CACNA2D3: variants seen among roughly 807,000 people sequenced by gnomAD.
CACNA2D3 encodes the protein calcium voltage-gated channel auxiliary subunit alpha2delta 3.
A neutral mutation model predicts 160.6 loss-of-function variants in CACNA2D3; 60 were observed. That is an observed-to-expected ratio of 0.37 (90% CI 0.30 to 0.46). The LOEUF (loss-of-function observed/expected upper bound fraction) is 0.46. CACNA2D3 is among the 20% of genes least tolerant of loss of function. The probability of loss-of-function intolerance (pLI) is 1.00; values close to 1 mark genes in which losing one functional copy is unlikely to be tolerated. For synonymous variants in CACNA2D3, 558 were observed against 492.9 expected (o/e 1.13, Z -1.75); for missense variants, 1,205 against 1,365.0 (o/e 0.88, Z 1.85).
chr3:54,685,730 A>C (rs972785606), intron 11 of CACNA2D3, among the ~76,000 whole-genome samples: 1 of 152,238 alleles, frequency 6.6e-6, no homozygotes, highest in South Asian at 2.1e-4. Context: ...ATTAGTACAG[A>C]CAACTGCAGG....
chr3:54,587,390 C>G (rs1702781003), intron 9 of CACNA2D3, among the ~76,000 whole-genome samples: 1 of 151,974 alleles, frequency 6.6e-6, no homozygotes, highest in Non-Finnish European at 1.5e-5. Flanking sequence ...AACCCTGTCT[C>G]TACTAAAAAT....
At chr3:54,280,644 C>T (rs921725443) in intron 2 of CACNA2D3, among the ~76,000 whole-genome samples, 4 of 152,148 alleles carry the variant, frequency 2.6e-5, no homozygotes, top group Admixed American at 6.5e-5. Flanking sequence ...ATGCCTGCCA[C>T]GCAGCCTCAT....
At chr3:54,225,609 AC>A (rs1281597544) in intron 2 of CACNA2D3, among the ~76,000 whole-genome samples, 33 of 152,196 alleles carry the variant, frequency 2.2e-4, no homozygotes, top group African/African-American at 8.0e-4. Context: ...TGTGTTTGAA[AC>A]CTCTTAATTT....
chr3:54,991,303 A>C (rs1344868999), intron 31 of CACNA2D3, among the ~76,000 whole-genome samples: 1 of 151,728 alleles, frequency 6.6e-6, no homozygotes, highest in Non-Finnish European at 1.5e-5. Flanking sequence ...GCTCACTGCA[A>C]CCACCGCCTT....
rs1012925546 is a variant in CACNA2D3, at chr3:54,386,065, G to C, written c.322-650G>C. On this transcript the variant is annotated intron_variant, in intron 3 of 37. Coordinates refer to ENST00000474759, the MANE Select transcript of CACNA2D3 (RefSeq NM_018398.3). ...AGGCATTATGAAATGGGTTTCATAA[G>C]AATATTAATGTGTTGAATTTCGCTG... 1.4e-5 allele frequency: 6 copies of C among 427,576 alleles called. No homozygotes were observed. In the Admixed American group the frequency reaches 1.5e-4, roughly 11 times the overall value. 26.5% of individuals were successfully genotyped at this position (427,576 alleles called of 1,614,324 possible).
chr3:54,646,502 G>T (rs1021813822), intron 11 of CACNA2D3, among the ~76,000 whole-genome samples: 3 of 151,864 alleles, frequency 2.0e-5, no homozygotes, highest in Admixed American at 2.0e-4. Context: ...ATGTGGTTTG[G>T]TTTTCTGTTC....
intron 2 of CACNA2D3, among the ~76,000 whole-genome samples, chr3:54,212,318 C>T (rs1311426771): frequency 4.6e-5 from 7 of 152,088 alleles, no homozygotes; most frequent in South Asian, 2.1e-4. Flanking sequence ...CAAGACAACT[C>T]GAAGTGGTGG....
Position 54,320,872 on chromosome 3 carries a change from A to G in CACNA2D3, c.321+314A>G, listed in dbSNP as rs989163159. 6.6e-5 allele frequency among the ~76,000 whole-genome samples: 10 copies of G among 152,200 alleles called. 1 individual carries two copies. The highest frequency in any genetic ancestry group is 5.2e-4 in the Admixed American group (8 of 15,286). On this transcript the variant is annotated intron_variant, in intron 3 of 37. Transcript: ENST00000474759. ...TTCAGTAATGGCCAAAAACCATTCA[A>G]AGGTACACTAGGGTTCAACTAAGCT... is the stretch of plus-strand genomic sequence containing the variant.
At chr3:54,877,364 T>C (rs924877672) in intron 18 of CACNA2D3, among the ~76,000 whole-genome samples, 4 of 152,182 alleles carry the variant, frequency 2.6e-5, no homozygotes, top group African/African-American at 9.6e-5. Flanking sequence ...CAGATACTGT[T>C]GACTGTGGTG....
rs1702173857 is a variant in CACNA2D3, at chr3:54,764,141, G to A, written c.1247-77G>A. The A allele has an allele frequency of 1.5e-5, 23 of 1,500,178 alleles. 1 individual carries two copies. The South Asian group carries it at 2.7e-4, about 18-fold the overall frequency. 92.9% of individuals were successfully genotyped at this position (1,500,178 alleles called of 1,614,324 possible). A position where few individuals can be genotyped will look rare whatever the true frequency, so the allele number is the denominator to read the frequency against. ...AAGGAAACTAGCTAGAGGGCAAGAA[G>A]GCATGGCATATGCATATTCCCAGTT... is the stretch of plus-strand genomic sequence containing the variant. On this transcript the variant is annotated intron_variant, in intron 12 of 37. Transcript: ENST00000474759.
chr3:54,868,702 TTGTC>T (rs1252590098), intron 17 of CACNA2D3, among the ~76,000 whole-genome samples: 1 of 152,112 alleles, frequency 6.6e-6, no homozygotes, highest in East Asian at 1.9e-4. Flanking sequence ...ATGAATGTGA[TTGTC>T]TGACACCATC....
chr3:55,030,286 C>A (rs1227084988), intron 35 of CACNA2D3, among the ~76,000 whole-genome samples: 3 of 152,182 alleles, frequency 2.0e-5, no homozygotes, highest in Non-Finnish European at 2.9e-5. Flanking sequence ...ATCATAAAAA[C>A]CAATTTCTTT....
chr3:54,455,508 T>C lies in CACNA2D3; in HGVS notation c.382-47984T>C, dbSNP rs537149410. Among the ~76,000 whole-genome samples, 5 of 152,240 alleles carry C rather than the reference T, an allele frequency of 3.3e-5. No homozygotes were observed. In the East Asian group the frequency reaches 7.7e-4, roughly 24 times the overall value. On this transcript the variant is annotated intron_variant, in intron 4 of 37. Transcript: ENST00000474759. ...ACGAGTAGTTTGCAGATATTTTTTTTCCCATTTTGGAGGTTGTCTTTTCAC... is the reference window on the plus strand; with the variant it reads ...ACGAGTAGTTTGCAGATATTTTTTTCCCCATTTTGGAGGTTGTCTTTTCAC...
At chr3:54,301,072 T>C (rs1575381154) in intron 2 of CACNA2D3, among the ~76,000 whole-genome samples, 1 of 148,722 alleles carries the variant, frequency 6.7e-6, no homozygotes, top group South Asian at 2.1e-4. Context: ...CTGGGCGACA[T>C]AGTGAGATCT....
chr3:54,669,283 T>G (rs567688846), intron 11 of CACNA2D3, among the ~76,000 whole-genome samples: 219 of 152,348 alleles, frequency 1.4e-3, no homozygotes, highest in African/African-American at 5.0e-3. Context: ...CCATGTCCAT[T>G]TCTGTTGGAT....
chr3:54,864,216 A>T (rs1328674158), intron 17 of CACNA2D3, among the ~76,000 whole-genome samples: 1 of 152,000 alleles, frequency 6.6e-6, no homozygotes, highest in Non-Finnish European at 1.5e-5. Flanking sequence ...AGATATTGTA[A>T]GTTGGGCATC....
At chr3:54,706,879 A>T (rs916786739) in intron 11 of CACNA2D3, among the ~76,000 whole-genome samples, 8 of 152,154 alleles carry the variant, frequency 5.3e-5, no homozygotes, top group African/African-American at 1.9e-4. Flanking sequence ...TGGTTGGGAA[A>T]CTTTCCATCA....
intron 13 of CACNA2D3, among the ~76,000 whole-genome samples, chr3:54,791,679 A>C (rs1231743528): frequency 6.6e-6 from 1 of 152,218 alleles, no homozygotes; most frequent in Non-Finnish European, 1.5e-5. Context: ...ACTTCAAAAC[A>C]GAGGGCAGTC....
At chr3:54,889,163 A>T (rs1699997747) in intron 24 of CACNA2D3, among the ~76,000 whole-genome samples, 1 of 152,214 alleles carries the variant, frequency 6.6e-6, no homozygotes, top group Non-Finnish European at 1.5e-5. Flanking sequence ...ATGTCAGAGG[A>T]TGAGGCTGCA....
Sources: allele counts gnomAD v4.1 joint callset (sites outside exome capture counted in the v4.1 genomes callset), GRCh38; gene constraint gnomAD v4.1.1; transcripts MANE v1.5; gene names NCBI Gene and HGNC (gene_info 2026-07-23, HGNC 2026-07-21).